SLMAP: variants seen among roughly 807,000 people sequenced by gnomAD.
SLMAP encodes the protein sarcolemma associated protein, also known as sarcolemmal membrane-associated protein.
A neutral mutation model predicts 128.8 loss-of-function variants in SLMAP; 44 were observed. That is an observed-to-expected ratio of 0.34 (90% CI 0.27 to 0.44). The LOEUF (loss-of-function observed/expected upper bound fraction) is 0.44, where lower values mean the gene tolerates loss of function less well. SLMAP is among the 20% of genes least tolerant of loss of function. The probability of loss-of-function intolerance (pLI) is 1.00; values close to 1 mark genes in which losing one functional copy is unlikely to be tolerated. For missense variants in SLMAP, 787 were observed against 985.3 expected (o/e 0.80, Z 2.69); for synonymous variants, 327 against 348.8 (o/e 0.94, Z 0.70).
chr3:57,804,611 G>A (rs910305355), intron 2 of SLMAP, among the ~76,000 whole-genome samples: 11 of 152,046 alleles, frequency 7.2e-5, no homozygotes, highest in Non-Finnish European at 1.6e-4. Flanking sequence ...TGAGTGTAGT[G>A]TTGTGCACTT....
intron 2 of SLMAP, among the ~76,000 whole-genome samples, chr3:57,817,987 C>T (rs752778461): frequency 3.3e-5 from 5 of 152,110 alleles, no homozygotes; most frequent in African/African-American, 7.2e-5. Context: ...TGAACAGAAT[C>T]CTTGCTGTTT....
chr3:57,766,878 T>G (rs1282721850), intron 2 of SLMAP, among the ~76,000 whole-genome samples: 1 of 152,102 alleles, frequency 6.6e-6, no homozygotes, highest in Non-Finnish European at 1.5e-5. Context: ...TACTTCCATT[T>G]AACTTTGTGT....
chr3:57,877,834 T>TTC (rs1356374226), intron 14 of SLMAP, among the ~76,000 whole-genome samples: 1 of 140,724 alleles, frequency 7.1e-6, no homozygotes, highest in African/African-American at 2.6e-5. Flanking sequence ...TTTCCTTCTT[T>TTC]TTTTTTTTTT....
chr3:57,818,752 A>G (rs2092206702), intron 2 of SLMAP, among the ~76,000 whole-genome samples: 1 of 152,240 alleles, frequency 6.6e-6, no homozygotes, highest in Non-Finnish European at 1.5e-5. Flanking sequence ...CAATGCTTTT[A>G]AAAGAAAACT....
intron 14 of SLMAP, among the ~76,000 whole-genome samples, chr3:57,875,822 T>C (rs1174311837): frequency 6.6e-6 from 1 of 152,246 alleles, no homozygotes; most frequent in Non-Finnish European, 1.5e-5. Context: ...TGTCATTTTA[T>C]GACATGCTGC....
At chr3:57,817,186 G>A (rs2153522893) in intron 2 of SLMAP, among the ~76,000 whole-genome samples, 1 of 152,264 alleles carries the variant, frequency 6.6e-6, no homozygotes, top group Admixed American at 6.5e-5. Flanking sequence ...GCAATGGTTA[G>A]GGTAAGAGGA....
At chr3:57,896,699 C>G in intron 16 of SLMAP, 108 bp downstream of exon 16, 1 of 1,189,614 alleles carries the variant, frequency 8.4e-7, no homozygotes, top group South Asian at 1.6e-5. Context: ...AAAAAAAAAA[C>G]GCTTCCATTT....
intron 2 of SLMAP, among the ~76,000 whole-genome samples, chr3:57,791,556 A>G (rs2085997647): frequency 6.6e-6 from 1 of 152,114 alleles, no homozygotes; most frequent in Non-Finnish European, 1.5e-5. Flanking sequence ...CAGGGTCTTG[A>G]AAAACAGTTT....
rs1437608371 is a variant in SLMAP at position 57,757,420 on chromosome 3, C to G, written c.-232C>G. ...TGGACTGAAAGCTGCCAGTTGGGGA[C>G]TTTTTGTGATCACGGCGTTGCAGCG... On this transcript the variant is annotated 5_prime_UTR_variant, in exon 2 of 25. Coordinates refer to ENST00000671191, the MANE Select transcript of SLMAP (RefSeq NM_001377540.1). 5.2e-6 allele frequency: 3 copies of G among 574,222 alleles called. No homozygotes were observed. The highest frequency in any genetic ancestry group is 9.3e-6 in the Non-Finnish European group (3 of 321,176). 35.6% of individuals were successfully genotyped at this position (574,222 alleles called of 1,614,324 possible).
At chr3:57,849,845 A>T in intron 6 of SLMAP, 29 bp downstream of exon 6, 1 of 1,256,152 alleles carries the variant, frequency 8.0e-7, no homozygotes, top group Non-Finnish European at 1.2e-6. Flanking sequence ...ACTTCTTAAA[A>T]GCAGAATTTC....
chr3:57,845,843 C>G (rs1273662825), intron 4 of SLMAP, among the ~76,000 whole-genome samples: 2 of 151,920 alleles, frequency 1.3e-5, no homozygotes, highest in African/African-American at 4.8e-5. Flanking sequence ...TATCTCCCCC[C>G]CACCTTTTTT....
At position 57,907,942 on chromosome 3, in the gene SLMAP, A is replaced by T; in HGVS notation, c.1560A>T (p.Arg520=). 6.2e-7 allele frequency: 1 copy of T among 1,613,990 alleles called. No individual in the cohort carries two copies. The highest frequency in any genetic ancestry group is 8.5e-7 in the Non-Finnish European group (1 of 1,179,870). Residue 520 remains arginine (R), a synonymous_variant, in exon 18 of 25, where the codon CGA becomes CGT. Coordinates refer to ENST00000671191, the MANE Select transcript of SLMAP (RefSeq NM_001377540.1). ...IEAKQEIQHL[R]KELIEAQELA... ...CAAAGCAAGAAATACAGCATCTTCG[A>T]AAGGAATTGATCGAAGCCCAGGAGC... is the stretch of plus-strand genomic sequence containing the variant.
At chr3:57,877,820 C>A (rs921434302) in intron 14 of SLMAP, among the ~76,000 whole-genome samples, 1 of 142,124 alleles carries the variant, frequency 7.0e-6, no homozygotes, top group Non-Finnish European at 1.5e-5. Flanking sequence ...ATTCTAAATG[C>A]TTTTTTCCTT....
intron 13 of SLMAP, among the ~76,000 whole-genome samples, chr3:57,867,154 G>T (rs1286679336): frequency 2.0e-5 from 3 of 152,122 alleles, no homozygotes; most frequent in Non-Finnish European, 4.4e-5. Context: ...ACCCCAACCT[G>T]GGCAACAGAG....
intron 2 of SLMAP, among the ~76,000 whole-genome samples, chr3:57,760,610 A>G (rs916956255): frequency 1.3e-5 from 2 of 151,634 alleles, no homozygotes; most frequent in African/African-American, 4.8e-5. Context: ...AGTCCCACCT[A>G]CTCGGGATGC....
intron 2 of SLMAP, among the ~76,000 whole-genome samples, chr3:57,791,261 G>T (rs1206033599): frequency 6.6e-6 from 1 of 152,054 alleles, no homozygotes; most frequent in Non-Finnish European, 1.5e-5. Context: ...TTGGGAGGTT[G>T]AGGCAGGAGA....
intron 14 of SLMAP, 48 bp from the exon 15 acceptor site, chr3:57,889,993 A>T: frequency 7.5e-7 from 1 of 1,331,014 alleles, no homozygotes; most frequent in Non-Finnish European, 1.1e-6. Flanking sequence ...GCTCAGGGAA[A>T]TGCTGCTCAG....
intron 2 of SLMAP, among the ~76,000 whole-genome samples, chr3:57,760,254 T>G (rs1210019951): frequency 1.3e-5 from 2 of 152,224 alleles, no homozygotes; most frequent in African/African-American, 4.8e-5. Flanking sequence ...AATTAGTTCT[T>G]CAGAAAAACT....
chr3:57,860,602 T>C, intron 8 of SLMAP, 97 bp from the exon 9 acceptor site: 1 of 900,126 alleles, frequency 1.1e-6, no homozygotes, highest in Non-Finnish European at 1.6e-6. Context: ...TACCTTAATA[T>C]ATAATTTAAA....
Sources: gnomAD v4.1 joint callset for allele counts (sites outside exome capture counted in the v4.1 genomes callset) on GRCh38, gnomAD v4.1.1 for gene constraint, MANE v1.5 for transcripts, NCBI Gene and HGNC (gene_info 2026-07-23, HGNC 2026-07-21) for gene names.